Variants in PLEKHA5 observed in about 807,000 individuals in gnomAD.
PLEKHA5 encodes pleckstrin homology domain containing A5.
PLEKHA5 carries 55 observed loss-of-function variants against 181.9 expected under a neutral mutation model. The observed-to-expected ratio is 0.30, with a 90% CI of 0.24 to 0.38. The LOEUF (loss-of-function observed/expected upper bound fraction) is 0.38. PLEKHA5 is among the 10% of genes least tolerant of loss of function. The pLI is 1.00. For synonymous variants in PLEKHA5, 535 were observed against 529.4 expected, an observed-to-expected ratio of 1.01 and a Z score of -0.15; for missense variants, 1,432 against 1,549.5, an observed-to-expected ratio of 0.92 and a Z score of 1.27.
Position 19,353,106 on chromosome 12 carries a change from A to G in PLEKHA5, c.3020-778A>G, listed in dbSNP as rs151213782. Among the ~76,000 whole-genome samples, 984 of 150,838 alleles carry G rather than the reference A, an allele frequency of 6.5e-3. 8 individuals are homozygous for G. The highest frequency in any genetic ancestry group is 0.023 in the African/African-American group (931 of 41,138). Reference sequence around the variant, plus strand: ...TGTTTTTAAATATAACCCTAAATTTATCTGGTGGTATCATTGACTGACTTT... The same window carrying G: ...TGTTTTTAAATATAACCCTAAATTTGTCTGGTGGTATCATTGACTGACTTT... On this transcript the variant is annotated intron_variant, in intron 25 of 31. Coordinates refer to ENST00000429027, the MANE Select transcript of PLEKHA5 (RefSeq NM_001256470.2).
Position 19,347,089 on chromosome 12 carries a change from C to T in PLEKHA5, c.2805C>T (p.Ser935=). Residue 935 remains serine, a synonymous_variant, in exon 24 of 32, where the codon AGC becomes AGT. Coordinates refer to ENST00000429027, the MANE Select transcript of PLEKHA5 (RefSeq NM_001256470.2). ...PIIPPLPSDS[S]SLLCYSRGPV... is the part of the protein sequence containing the mutation. ...TCCCCCCTCTGCCCAGTGATAGCAGCTCCTTGCTCTGTTATAGCAGGGGCC... is the reference window on the plus strand; with the variant it reads ...TCCCCCCTCTGCCCAGTGATAGCAGTTCCTTGCTCTGTTATAGCAGGGGCC... 1.3e-6 allele frequency: 2 copies of T among 1,550,228 alleles called. No individual in the cohort carries two copies. Among genetic ancestry groups the T allele is most frequent in the Admixed American group, 2.0e-5 (1 of 50,968 alleles).
intron 21 of PLEKHA5, among the ~76,000 whole-genome samples, chr12:19,337,059 C>T (rs571393572): frequency 7.2e-6 from 1 of 138,156 alleles, no homozygotes; most frequent in African/African-American, 2.8e-5. Context: ...GCGATCTTGG[C>T]TCACCGCAAC....
chr12:19,340,170 G>A (rs1039863488), intron 21 of PLEKHA5, among the ~76,000 whole-genome samples: 40 of 151,978 alleles, frequency 2.6e-4, no homozygotes, highest in Non-Finnish European at 5.4e-4. Flanking sequence ...ATTCAACAAG[G>A]GATAACTATT....
In PLEKHA5 at chr12:19,347,717, A is replaced by G. The variant is rs1238681624; in HGVS notation, c.2898+535A>G. Among the ~76,000 whole-genome samples the G allele has an allele frequency of 3.3e-5, 5 of 152,158 alleles. No homozygotes were observed. The East Asian group carries it at 7.7e-4, about 23-fold the overall frequency. ...AGAAAAAGGAAATTAGAATTGAGCTAATTTGAGAACAACAAAATGTCTGTG... is the reference window on the plus strand; with the variant it reads ...AGAAAAAGGAAATTAGAATTGAGCTGATTTGAGAACAACAAAATGTCTGTG... On this transcript the variant is annotated intron_variant, in intron 24 of 31. Transcript: ENST00000429027.
intron 3 of PLEKHA5, among the ~76,000 whole-genome samples, chr12:19,138,348 G>A (rs538989850): frequency 5.7e-4 from 86 of 152,130 alleles, no homozygotes; most frequent in African/African-American, 2.0e-3. Context: ...TGAGGCAGGC[G>A]GATCACTTGA....
At chr12:19,321,250 A>T (rs2090634713) in intron 18 of PLEKHA5, among the ~76,000 whole-genome samples, 1 of 151,240 alleles carries the variant, frequency 6.6e-6, no homozygotes, top group South Asian at 2.1e-4. Context: ...TAGAAATTTT[A>T]TCACTACTCC....
At chr12:19,195,220 G>C (rs2052359306) in intron 3 of PLEKHA5, among the ~76,000 whole-genome samples, 1 of 152,098 alleles carries the variant, frequency 6.6e-6, no homozygotes, top group African/African-American at 2.4e-5. Flanking sequence ...GCTAGCACAT[G>C]TGCCTGTCAT....
At chr12:19,133,768 T>C (rs1311471435) in intron 3 of PLEKHA5, among the ~76,000 whole-genome samples, 1 of 151,948 alleles carries the variant, frequency 6.6e-6, no homozygotes, top group Non-Finnish European at 1.5e-5. Context: ...TATTTTTGGG[T>C]GAAATCTTTT....
intron 15 of PLEKHA5, chr12:19,306,567 C>T: frequency 1.3e-6 from 1 of 775,190 alleles, no homozygotes; most frequent in Non-Finnish European, 2.4e-6. Context: ...ACCATCGTCC[C>T]CAGCACTGCG....
chr12:19,293,114 A>G (rs1293957613), intron 15 of PLEKHA5, among the ~76,000 whole-genome samples: 1 of 152,160 alleles, frequency 6.6e-6, no homozygotes, highest in Admixed American at 6.6e-5. Flanking sequence ...CAAAATGTCC[A>G]AACTTGACTA....
intron 13 of PLEKHA5, among the ~76,000 whole-genome samples, chr12:19,288,545 T>A (rs182936728): frequency 6.6e-6 from 1 of 152,372 alleles, no homozygotes; most frequent in Admixed American, 6.5e-5. Context: ...TGTATAGTTG[T>A]TCATTATTTA....
intron 21 of PLEKHA5, among the ~76,000 whole-genome samples, chr12:19,340,436 C>A (rs2093792714): frequency 1.5e-5 from 2 of 129,526 alleles, no homozygotes; most frequent in African/African-American, 5.1e-5. Flanking sequence ...CCGGCCACCA[C>A]CCCGTCTGGG....
intron 3 of PLEKHA5, among the ~76,000 whole-genome samples, chr12:19,232,787 G>T (rs535835401): frequency 6.6e-6 from 1 of 152,244 alleles, no homozygotes; most frequent in South Asian, 2.1e-4. Flanking sequence ...AGCAACCCTT[G>T]AACATTTCTT....
intron 3 of PLEKHA5, among the ~76,000 whole-genome samples, chr12:19,224,958 T>C (rs923393215): frequency 5.3e-5 from 8 of 152,110 alleles, no homozygotes; most frequent in Non-Finnish European, 1.0e-4. Context: ...CTATTGTGAC[T>C]GTGAATCCAG....
At chr12:19,197,126 C>T (rs913700003) in intron 3 of PLEKHA5, among the ~76,000 whole-genome samples, 2 of 152,100 alleles carry the variant, frequency 1.3e-5, no homozygotes, top group Admixed American at 1.3e-4. Context: ...CTGTTCAGAT[C>T]TTACTTCACT....
Position 19,266,469 on chromosome 12 carries a change from G to A in PLEKHA5, c.711+619G>A, listed in dbSNP as rs2070444019. 1.3e-5 allele frequency among the ~76,000 whole-genome samples: 2 copies of A among 151,844 alleles called. 1 individual carries two copies. Among genetic ancestry groups the A allele is most frequent in the South Asian group, 4.2e-4 (2 of 4,812 alleles). On this transcript the variant is annotated intron_variant, in intron 8 of 31. Coordinates refer to ENST00000429027, the MANE Select transcript of PLEKHA5 (RefSeq NM_001256470.2). The stretch of plus-strand genomic sequence containing the variant: ...ACTGCAGTCCGGCCTGGGCAACACA[G>A]TAAGACCCTGTCTCAAAAAAAAATT...
rs191208942 is a variant in PLEKHA5, at chr12:19,156,665, T to C, written c.227+24215T>C. ...CTGATAAGAGATTATGATGTTGATA[T>C]CATAAGAATTTCCCTCTTTTACAGA... On this transcript the variant is annotated intron_variant, in intron 3 of 31. Coordinates refer to ENST00000429027, the MANE Select transcript of PLEKHA5 (RefSeq NM_001256470.2). 1.2e-4 allele frequency among the ~76,000 whole-genome samples: 18 copies of C among 152,020 alleles called. No individual in the cohort carries two copies. The East Asian group carries it at 1.6e-3, about 13-fold the overall frequency.
chr12:19,304,509 A>G (rs1002262802), intron 15 of PLEKHA5, among the ~76,000 whole-genome samples: 7 of 152,226 alleles, frequency 4.6e-5, no homozygotes, highest in African/African-American at 1.7e-4. Flanking sequence ...TACCTTGATC[A>G]GTATCTGATA....
intron 30 of PLEKHA5, among the ~76,000 whole-genome samples, chr12:19,367,182 G>T (rs1410967312): frequency 6.7e-6 from 1 of 148,170 alleles, no homozygotes; most frequent in Admixed American, 6.8e-5. Flanking sequence ...CACCATGCCC[G>T]GCCCTTTTAC....
Sources: allele counts gnomAD v4.1 joint callset (sites outside exome capture counted in the v4.1 genomes callset), GRCh38; gene constraint gnomAD v4.1.1; transcripts MANE v1.5; gene names NCBI Gene and HGNC (gene_info 2026-07-23, HGNC 2026-07-21).